The following CRHBP variants were observed in gnomAD, a reference collection of about 807,000 sequenced individuals.
CRHBP encodes corticotropin-releasing hormone-binding protein.
Under a neutral mutation model 34.9 loss-of-function variants are expected in CRHBP, and 19 were observed. The ratio of observed to expected loss-of-function variants is 0.55; its 90% confidence interval spans 0.38 to 0.80. The LOEUF is 0.80. Among genes scored for constraint, CRHBP ranks in the 30% least tolerant of loss-of-function variants. CRHBP has a pLI of 0.00. For missense variants in CRHBP, 328 were observed against 409.2 expected, an observed-to-expected ratio of 0.80 and a Z score of 1.71; for synonymous variants, 154 against 153.4, an observed-to-expected ratio of 1.00 and a Z score of -0.03.
At chr5:76,979,716 T>C (rs1746090130) in intron 3 of CRHBP, among the ~76,000 whole-genome samples, 2 of 152,310 alleles carry the variant, frequency 1.3e-5, no homozygotes, top group South Asian at 2.1e-4. Flanking sequence ...CTTAGTATAC[T>C]ACATTATACT....
In CRHBP at chr5:76,953,387, T is replaced by C. The variant is rs1015565997; in HGVS notation, c.81+172T>C. On this transcript the variant is annotated intron_variant, in intron 1 of 6. Coordinates refer to ENST00000274368, the MANE Select transcript of CRHBP (RefSeq NM_001882.4). ...TGTTCTCCCTCCTTGCCTCTGAGCA[T>C]CCCAGACTGCCTGCCTGCCTTCCTC... 1.6e-5 allele frequency: 13 copies of C among 822,360 alleles called. No homozygotes were observed. The African/African-American group carries it at 2.2e-4, about 14-fold the overall frequency. 50.9% of individuals were successfully genotyped at this position (822,360 alleles called of 1,614,324 possible). A position where few individuals can be genotyped will look rare whatever the true frequency, so the allele number is the denominator to read the frequency against.
downstream of CRHBP, among the ~76,000 whole-genome samples, chr5:76,973,487 T>G (rs1473190264): frequency 6.6e-6 from 1 of 152,188 alleles, no homozygotes; most frequent in Non-Finnish European, 1.5e-5. Flanking sequence ...CTGAAGAGCA[T>G]CTAAGGATTT....
chr5:76,962,945 T>A (rs533257131), intron 5 of CRHBP, among the ~76,000 whole-genome samples: 1 of 152,314 alleles, frequency 6.6e-6, no homozygotes, highest in East Asian at 1.9e-4. Flanking sequence ...TGACTTCGCT[T>A]AGCTGTGACT....
chr5:76,965,659 G>C (rs1390852530), intron 6 of CRHBP, among the ~76,000 whole-genome samples: 1 of 152,134 alleles, frequency 6.6e-6, no homozygotes, highest in Non-Finnish European at 1.5e-5. Context: ...CCGCTTGAGT[G>C]ATATAACTTG....
chr5:76,971,578 GCCCTAATCCTCA>G (rs1200361710), downstream of CRHBP, among the ~76,000 whole-genome samples: 1 of 152,120 alleles, frequency 6.6e-6, no homozygotes. Flanking sequence ...AGTAACCCCA[GCCCTAATCCTCA>G]CCCTAATCCT....
intron 6 of CRHBP, among the ~76,000 whole-genome samples, chr5:76,967,677 TTA>T (rs1745879270): frequency 6.6e-6 from 1 of 152,192 alleles, no homozygotes; most frequent in South Asian, 2.1e-4. Flanking sequence ...TTGTCAGATC[TTA>T]TATAAATAAT....
intron 6 of CRHBP, among the ~76,000 whole-genome samples, chr5:76,967,200 C>G (rs867903240): frequency 1.3e-5 from 2 of 151,972 alleles, no homozygotes; most frequent in African/African-American, 4.8e-5. Context: ...CAAGATGGCA[C>G]CACTGCACTC....
intron 2 of CRHBP, among the ~76,000 whole-genome samples, chr5:76,975,825 A>AAAATTATATATAT: frequency 1.6e-5 from 1 of 61,846 alleles, no homozygotes; most frequent in African/African-American, 9.1e-5. Context: ...AAAAAAAAAA[A>AAAATTATATATAT]ATATATATAT....
chr5:76,970,199 GC>G (rs1260311006), downstream of CRHBP, among the ~76,000 whole-genome samples: 1 of 152,140 alleles, frequency 6.6e-6, no homozygotes, highest in East Asian at 1.9e-4. Flanking sequence ...ACCAGCCTTG[GC>G]CTCCCAAAGT....
chr5:76,953,267 G>A (rs1330721945), intron 1 of CRHBP, 52 bp downstream of exon 1: 1 of 1,567,662 alleles, frequency 6.4e-7, no homozygotes, highest in South Asian at 1.1e-5. Context: ...GTTAGCCCTA[G>A]GCGGCAGGCA....
chr5:76,955,002 G>T (rs1745646501), intron 3 of CRHBP, among the ~76,000 whole-genome samples: 2 of 152,210 alleles, frequency 1.3e-5, no homozygotes. Context: ...CTGGAGACCT[G>T]TGGTGATTTT....
Position 76,953,176 on chromosome 5 carries a change from C to A in CRHBP, c.42C>A (p.Ile14=). The part of the protein sequence containing the change: ...NFKLQCHFIL[I]FLTALRGESR... Reference sequence around the variant, plus strand: ...AACTTCAGTGTCACTTCATTCTCATCTTCCTGACGGCTCTAAGAGGGGAAA... The same window carrying A: ...AACTTCAGTGTCACTTCATTCTCATATTCCTGACGGCTCTAAGAGGGGAAA... The change falls in exon 1 of 7, where the codon ATC becomes ATA. Residue 14 remains isoleucine (I), a synonymous_variant. Transcript: ENST00000274368. The A allele has an allele frequency of 1.2e-6, 2 of 1,614,238 alleles. No individual in the cohort carries two copies. The highest frequency in any genetic ancestry group is 1.7e-5 in the Admixed American group (1 of 60,034).
At chr5:76,975,276 G>C (rs1746008025) in intron 2 of CRHBP, among the ~76,000 whole-genome samples, 1 of 152,104 alleles carries the variant, frequency 6.6e-6, no homozygotes, top group South Asian at 2.1e-4. Flanking sequence ...TTACTGAAAT[G>C]CCCACCCTTA....
intron 2 of CRHBP, among the ~76,000 whole-genome samples, chr5:76,975,845 T>TATATATATATATACAC (rs1237085128): frequency 7.2e-5 from 7 of 97,640 alleles, no homozygotes; most frequent in African/African-American, 4.0e-4. Context: ...TATATATATA[T>TATATATATATATACAC]ACACGCATAT....
At position 76,958,714 on chromosome 5, in the gene CRHBP, G is replaced by A. The variant is rs199529245; in HGVS notation, c.545-27G>A. The A allele has an allele frequency of 6.9e-5, 110 of 1,593,726 alleles. 1 individual carries two copies. Among genetic ancestry groups the A allele is most frequent in the South Asian group, 3.6e-4 (31 of 86,882 alleles). ...ACCTAGCAAACCAAGTAAAGGAAAC[G>A]TGAATTTCTTTTTCTTTTCTACAAA... On this transcript the variant is annotated intron_variant, in intron 4 of 6. Transcript: ENST00000274368.
chr5:76,979,402 G>T (rs1350024342), intron 3 of CRHBP, among the ~76,000 whole-genome samples: 1 of 152,138 alleles, frequency 6.6e-6, no homozygotes, highest in Non-Finnish European at 1.5e-5. Flanking sequence ...CCAGGCTGGA[G>T]TGCAGTGGTG....
intron 5 of CRHBP, among the ~76,000 whole-genome samples, chr5:76,959,311 G>A (rs76177844): frequency 1.8e-4 from 28 of 152,322 alleles, no homozygotes; most frequent in Admixed American, 7.2e-4. Flanking sequence ...ACAGAACTGC[G>A]TTGTGAAGGA....
At chr5:76,975,825 A>AAAAAATATATATATATATATATATAT in intron 2 of CRHBP, among the ~76,000 whole-genome samples, 1 of 61,838 alleles carries the variant, frequency 1.6e-5, no homozygotes, top group African/African-American at 9.1e-5. Context: ...AAAAAAAAAA[A>AAAAAATATATATATATATATATATAT]ATATATATAT....
chr5:76,955,629 T>A (rs1313182003), intron 3 of CRHBP, 24 bp from the exon 4 acceptor site: 14 of 1,609,652 alleles, frequency 8.7e-6, no homozygotes, highest in Admixed American at 6.7e-5. Flanking sequence ...AATGATAGCA[T>A]CTATGTCTGT....
Sources: allele counts gnomAD v4.1 joint callset (sites outside exome capture counted in the v4.1 genomes callset), GRCh38; gene constraint gnomAD v4.1.1; transcripts MANE v1.5; gene names NCBI Gene and HGNC (gene_info 2026-07-23, HGNC 2026-07-21).